ETV6: variants seen among roughly 807,000 people sequenced by gnomAD.
The protein encoded by ETV6 is ETS variant transcription factor 6, also known as transcription factor ETV6.
In ETV6, 16 loss-of-function variants were observed where a neutral mutation model predicts 51.1. The ratio of observed to expected loss-of-function variants is 0.31; its 90% CI spans 0.21 to 0.48. The LOEUF (loss-of-function observed/expected upper bound fraction) is 0.48, where lower values mean the gene tolerates loss of function less well. Ranked by LOEUF, ETV6 falls within the 20% of genes least tolerant of loss-of-function variation. ETV6 has a pLI of 0.99. For missense variants in ETV6, 458 were observed against 594.8 expected, an observed-to-expected ratio of 0.77 and a Z score of 2.39; for synonymous variants, 240 against 224.1, an observed-to-expected ratio of 1.07 and a Z score of -0.64.
At chr12:11,842,052 A>G (rs1480251300) in intron 3 of ETV6, among the ~76,000 whole-genome samples, 1 of 148,132 alleles carries the variant, frequency 6.8e-6, no homozygotes, top group East Asian at 2.0e-4. Flanking sequence ...ACTGCACTCC[A>G]GCCTGGGCGA....
At chr12:11,719,122 A>C (rs1413447136) in intron 1 of ETV6, among the ~76,000 whole-genome samples, 1 of 152,202 alleles carries the variant, frequency 6.6e-6, no homozygotes, top group Non-Finnish European at 1.5e-5. Context: ...CTAAGCTGCC[A>C]CCCTGTTAGT....
intron 3 of ETV6, among the ~76,000 whole-genome samples, chr12:11,847,853 A>T (rs575097379): frequency 6.6e-6 from 1 of 152,210 alleles, no homozygotes; most frequent in Non-Finnish European, 1.5e-5. Flanking sequence ...ACATGTGGAC[A>T]GGAAAAAAAC....
chr12:11,770,112 A>G (rs956108789), intron 2 of ETV6, among the ~76,000 whole-genome samples: 3 of 152,184 alleles, frequency 2.0e-5, no homozygotes, highest in Non-Finnish European at 4.4e-5. Context: ...CATCTTCTTC[A>G]TAGCCGTTGC....
chr12:11,752,686 A>G (rs1211388954), intron 2 of ETV6, 107 bp downstream of exon 2: 3 of 1,381,768 alleles, frequency 2.2e-6, no homozygotes, highest in Admixed American at 2.2e-5. Flanking sequence ...TGGTTTTCAC[A>G]GGACTTCGCC....
intron 1 of ETV6, among the ~76,000 whole-genome samples, chr12:11,658,657 A>G (rs567115882): frequency 6.6e-6 from 1 of 152,282 alleles, no homozygotes; most frequent in Non-Finnish European, 1.5e-5. Flanking sequence ...TCACTGTCCC[A>G]TTGAGTTGTT....
intron 1 of ETV6, chr12:11,750,956 C>A: frequency 2.3e-6 from 1 of 441,660 alleles, no homozygotes; most frequent in Non-Finnish European, 4.4e-6. Flanking sequence ...TTTTACAGGA[C>A]ATCTTAATTG....
chr12:11,820,480 G>A (rs1421592606), intron 2 of ETV6, among the ~76,000 whole-genome samples: 1 of 152,162 alleles, frequency 6.6e-6, no homozygotes, highest in African/African-American at 2.4e-5. Flanking sequence ...CAAGAAAGAA[G>A]ACCGGGGGAG....
chr12:11,702,241 A>G (rs1240051603), intron 1 of ETV6, among the ~76,000 whole-genome samples: 1 of 152,192 alleles, frequency 6.6e-6, no homozygotes, highest in Non-Finnish European at 1.5e-5. Flanking sequence ...GGTCAGGTGC[A>G]TCGGGCCTGT....
At chr12:11,797,030 C>T (rs1427384193) in intron 2 of ETV6, among the ~76,000 whole-genome samples, 1 of 152,154 alleles carries the variant, frequency 6.6e-6, no homozygotes, top group East Asian at 1.9e-4. Flanking sequence ...TAAAGTAGAG[C>T]TTTATCTCCT....
Position 11,650,111 on chromosome 12 carries a change from C to A in ETV6, c.-17C>A. On this transcript the variant is annotated 5_prime_UTR_variant, in exon 1 of 8. Transcript: ENST00000396373. ...GGAAAAAACCTGAGAACTTCCTGAT[C>A]TCTCTCGCTGTGAGACATGTCTGAG... 1 of 1,613,048 alleles carries A rather than the reference C, an allele frequency of 6.2e-7. No homozygotes were observed. Among genetic ancestry groups the A allele is most frequent in the African/African-American group, 1.3e-5 (1 of 75,008 alleles).
At chr12:11,832,136 A>C (rs1946252851) in intron 2 of ETV6, among the ~76,000 whole-genome samples, 1 of 152,260 alleles carries the variant, frequency 6.6e-6, no homozygotes, top group Non-Finnish European at 1.5e-5. Context: ...AATACGCTTA[A>C]GAAAACAATA....
chr12:11,768,767 G>C (rs1476150714), intron 2 of ETV6, among the ~76,000 whole-genome samples: 1 of 152,030 alleles, frequency 6.6e-6, no homozygotes, highest in Non-Finnish European at 1.5e-5. Flanking sequence ...GTTCATCCTG[G>C]GGCCAGCTTG....
At chr12:11,710,380 GTATT>G (rs1865152289) in intron 1 of ETV6, among the ~76,000 whole-genome samples, 2 of 152,062 alleles carry the variant, frequency 1.3e-5, no homozygotes, top group Middle Eastern at 3.2e-3. Context: ...ATGTCAGTCT[GTATT>G]TATTATGTGT....
chr12:11,778,503 C>G (rs1161347694), intron 2 of ETV6, among the ~76,000 whole-genome samples: 1 of 152,180 alleles, frequency 6.6e-6, no homozygotes. Context: ...CTGATGCTCT[C>G]AATATATGCG....
chr12:11,827,082 A>T (rs928581304), intron 2 of ETV6, among the ~76,000 whole-genome samples: 23 of 149,942 alleles, frequency 1.5e-4, no homozygotes, highest in African/African-American at 1.3e-4. Context: ...ACACACACAC[A>T]CACACACACA....
chr12:11,732,990 C>CA (rs1456267247), intron 1 of ETV6, among the ~76,000 whole-genome samples: 1 of 152,186 alleles, frequency 6.6e-6, no homozygotes, highest in Non-Finnish European at 1.5e-5. Context: ...CAAATTCTAG[C>CA]ACCACTGTGT....
chr12:11,733,957 C>T (rs946080712), intron 1 of ETV6, among the ~76,000 whole-genome samples: 9 of 152,172 alleles, frequency 5.9e-5, no homozygotes, highest in Non-Finnish European at 1.3e-4. Flanking sequence ...ATGTTTTTCC[C>T]TTGAGAAAAC....
intron 2 of ETV6, among the ~76,000 whole-genome samples, chr12:11,785,600 T>G (rs1467541607): frequency 6.6e-6 from 1 of 152,202 alleles, no homozygotes; most frequent in Non-Finnish European, 1.5e-5. Context: ...TCCATCTCCA[T>G]TATCACCAAT....
Position 11,894,670 on chromosome 12 carries a change from T to C in ETV6, c.*3624T>C. The C allele has an allele frequency of 4.3e-6, 1 of 233,182 alleles. No individual in the cohort carries two copies. The highest frequency in any genetic ancestry group is 8.5e-6 in the Non-Finnish European group (1 of 117,976). 14.4% of individuals were successfully genotyped at this position (233,182 alleles called of 1,614,324 possible). A position where few individuals can be genotyped will look rare whatever the true frequency, so the allele number is the denominator to read the frequency against. ...TACCGAAATGATGAAGTAACCACCA[T>C]TCCCACCTTTCACTGCCTAGGCTCC... On this transcript the variant is annotated 3_prime_UTR_variant, in exon 8 of 8. Coordinates refer to ENST00000396373, the MANE Select transcript of ETV6 (RefSeq NM_001987.5).
Sources: allele counts gnomAD v4.1 joint callset (sites outside exome capture counted in the v4.1 genomes callset), GRCh38; gene constraint gnomAD v4.1.1; transcripts MANE v1.5; gene names NCBI Gene and HGNC (gene_info 2026-07-23, HGNC 2026-07-21).